Variants in ITPR2 observed in about 807,000 individuals in gnomAD.
ITPR2 encodes inositol 1,4,5-trisphosphate receptor type 2.
In ITPR2, 207 loss-of-function variants were observed where a neutral mutation model predicts 317.1. The ratio of observed to expected loss-of-function variants is 0.65; its 90% CI spans 0.58 to 0.73. The LOEUF is 0.73. ITPR2 is among the 30% of genes least tolerant of loss of function. ITPR2 has a pLI of 0.00. For synonymous variants in ITPR2, 1,156 were observed against 1,149.1 expected, an observed-to-expected ratio of 1.01 and a Z score of -0.12; for missense variants, 2,613 against 3,284.0, an observed-to-expected ratio of 0.80 and a Z score of 4.99.
intron 54 of ITPR2, among the ~76,000 whole-genome samples, chr12:26,390,839 A>C (rs1939811098): frequency 6.6e-6 from 1 of 152,232 alleles, no homozygotes; most frequent in African/African-American, 2.4e-5. Flanking sequence ...AAAAGAGAGA[A>C]AATGTTAAAG....
intron 56 of ITPR2, 115 bp from the exon 57 acceptor site, chr12:26,339,598 T>C (rs989808159): frequency 1.0e-5 from 7 of 684,028 alleles, no homozygotes; most frequent in Non-Finnish European, 1.8e-5. Context: ...CAGCATCATA[T>C]AGAATATATT....
intron 1 of ITPR2, among the ~76,000 whole-genome samples, chr12:26,796,007 G>A (rs373687173): frequency 2.1e-5 from 3 of 141,982 alleles, no homozygotes; most frequent in South Asian, 5.1e-4. Flanking sequence ...AAAGGGGGGG[G>A]GGGCAACACA....
At position 26,634,070 on chromosome 12, in the gene ITPR2, C is replaced by T. The variant is rs115177480; in HGVS notation, c.2741-2011G>A. 9.6e-3 allele frequency among the ~76,000 whole-genome samples: 1,468 copies of T among 152,348 alleles called. 32 individuals are homozygous for T. The highest frequency in any genetic ancestry group is 0.034 in the African/African-American group (1,407 of 41,574). On this transcript the variant is annotated intron_variant, in intron 21 of 56. Coordinates refer to ENST00000381340, the MANE Select transcript of ITPR2 (RefSeq NM_002223.4). The stretch of plus-strand genomic sequence containing the variant: ...ATGTCGTCAATGAAATGGGAGGGTT[C>T]ACTCAGTCATACCACATTCTCAGAT...
chr12:26,700,384 C>T (rs1011775805), intron 9 of ITPR2, among the ~76,000 whole-genome samples: 5 of 152,228 alleles, frequency 3.3e-5, no homozygotes, highest in African/African-American at 1.2e-4. Context: ...ACCAGTGTCA[C>T]TTACGAAATA....
At chr12:26,640,372 A>T (rs962434886) in intron 21 of ITPR2, among the ~76,000 whole-genome samples, 8 of 152,276 alleles carry the variant, frequency 5.3e-5, no homozygotes, top group Admixed American at 2.6e-4. Flanking sequence ...TTAAAAAAAA[A>T]TTTAATTAAA....
chr12:26,739,976 G>A (rs1347904007), intron 2 of ITPR2, among the ~76,000 whole-genome samples: 1 of 152,164 alleles, frequency 6.6e-6, no homozygotes. Context: ...TGTGGGAAGA[G>A]GAACACTGGG....
chr12:26,569,130 T>C (rs1260538753), intron 34 of ITPR2, among the ~76,000 whole-genome samples: 1 of 151,956 alleles, frequency 6.6e-6, no homozygotes, highest in Non-Finnish European at 1.5e-5. Flanking sequence ...AAATTCTCCA[T>C]GAGAATTCAA....
At chr12:26,515,440 T>G (rs560632316) in intron 37 of ITPR2, among the ~76,000 whole-genome samples, 1 of 152,178 alleles carries the variant, frequency 6.6e-6, no homozygotes, top group Non-Finnish European at 1.5e-5. Context: ...TGCTATTCCT[T>G]AAGGCCCACA....
At chr12:26,581,346 C>A (rs1450521221) in intron 32 of ITPR2, among the ~76,000 whole-genome samples, 1 of 152,208 alleles carries the variant, frequency 6.6e-6, no homozygotes, top group Admixed American at 6.5e-5. Context: ...ATCTAAGTCA[C>A]TTCCCATCTG....
At position 26,398,909 on chromosome 12, in the gene ITPR2, CTTTT is replaced by C; in HGVS notation, c.7659_7662del (p.Glu2555LysfsTer3). ...AAACAAGTTGTCTTTAGAATTTCTTCTTTTTTCTGTTTTTCGCTTCTGAGATCAG... is the reference window on the plus strand; with the variant it reads ...AAACAAGTTGTCTTTAGAATTTCTTCTTCTGTTTTTCGCTTCTGAGATCAG... On this transcript the variant is annotated frameshift_variant, in exon 54 of 57. Transcript: ENST00000381340. LOFTEE classifies it high-confidence loss of function. The C allele has an allele frequency of 6.2e-7, 1 of 1,610,816 alleles. No homozygotes were observed. The highest frequency in any genetic ancestry group is 1.3e-5 in the African/African-American group (1 of 74,786).
intron 32 of ITPR2, among the ~76,000 whole-genome samples, chr12:26,591,916 G>A (rs897667232): frequency 6.6e-6 from 1 of 151,874 alleles, no homozygotes; most frequent in Admixed American, 6.6e-5. Flanking sequence ...CCACAAGAAA[G>A]GAAATTGTAC....
At chr12:26,775,386 G>A (rs1473713403) in intron 2 of ITPR2, among the ~76,000 whole-genome samples, 2 of 152,048 alleles carry the variant, frequency 1.3e-5, no homozygotes, top group Admixed American at 6.5e-5. Context: ...AATGCAACAA[G>A]GTAAAAAGTA....
At position 26,339,332 on chromosome 12, in the gene ITPR2, A is replaced by G. The variant is rs1938024903; in HGVS notation, c.*65T>C. The G allele has an allele frequency of 7.3e-7, 1 of 1,373,422 alleles. No individual in the cohort carries two copies. Among genetic ancestry groups the G allele is most frequent in the African/African-American group, 1.4e-5 (1 of 70,150 alleles). The allele number at this position is 1,373,422 out of a possible 1,614,324, so 85.1% of individuals were successfully genotyped here. ...GGCACTGTTCACTCCCCTCCATCTC[A>G]GTTCTTTATTCAGTGATCAGGCAGG... On this transcript the variant is annotated 3_prime_UTR_variant, in exon 57 of 57. Coordinates refer to ENST00000381340, the MANE Select transcript of ITPR2 (RefSeq NM_002223.4).
chr12:26,823,683 A>G (rs1950970994), intron 1 of ITPR2, among the ~76,000 whole-genome samples: 1 of 152,198 alleles, frequency 6.6e-6, no homozygotes, highest in Admixed American at 6.5e-5. Flanking sequence ...TGTCTAAAGA[A>G]CCTGATATTT....
chr12:26,385,988 G>A (rs1939654654), intron 55 of ITPR2, among the ~76,000 whole-genome samples: 2 of 152,224 alleles, frequency 1.3e-5, no homozygotes, highest in Admixed American at 6.5e-5. Context: ...ACTCTTTAGT[G>A]TATAGTATAC....
Position 26,342,494 on chromosome 12 carries a change from CGGTGGGGGGGG to C in ITPR2, c.7858-2177_7858-2167del, listed in dbSNP as rs1169910856. Among the ~76,000 whole-genome samples, 10 of 29,008 alleles carry C rather than the reference CGGTGGGGGGGG, an allele frequency of 3.4e-4. 1 individual carries two copies. Among genetic ancestry groups the C allele is most frequent in the African/African-American group, 1.5e-3 (8 of 5,386 alleles). The allele number at this position is 29,008 out of a possible 152,430, so 19.0% of individuals were successfully genotyped here. Reference sequence around the variant, plus strand: ...CGAATGGGAGGTGTTTGGGTCACGGCGGTGGGGGGGGGGGGGGGGCGGGGGTCAGATCCCTC... The same window carrying C: ...CGAATGGGAGGTGTTTGGGTCACGGCGGGGGGGGCGGGGGTCAGATCCCTC... On this transcript the variant is annotated intron_variant, in intron 55 of 56. Transcript: ENST00000381340.
At position 26,487,240 on chromosome 12, in the gene ITPR2, G is replaced by A. The variant is rs565643676; in HGVS notation, c.5382C>T (p.Tyr1794=). 5 of 1,597,156 alleles carry A rather than the reference G, an allele frequency of 3.1e-6. No homozygotes were observed. In the African/African-American group the frequency reaches 5.4e-5, roughly 17 times the overall value. ...GGNTQTQYSF[Y]QQLHEQKKSE... ...ACTTTTTTTGTTCATGCAACTGCTG[G>A]TAGAAAGAATACTGCAAGAAAACAT... Residue 1794 remains tyrosine (Y), a synonymous_variant, in exon 40 of 57, where the codon TAC becomes TAT. Transcript: ENST00000381340.
At chr12:26,615,042 G>A (rs1391978231) in intron 26 of ITPR2, among the ~76,000 whole-genome samples, 2 of 152,166 alleles carry the variant, frequency 1.3e-5, no homozygotes, top group Admixed American at 1.3e-4. Flanking sequence ...GAAAGAGAGA[G>A]GAGAAGAGGG....
chr12:26,749,913 T>C (rs1949387119), intron 2 of ITPR2, among the ~76,000 whole-genome samples: 1 of 152,146 alleles, frequency 6.6e-6, no homozygotes, highest in African/African-American at 2.4e-5. Flanking sequence ...TCATATTTGC[T>C]GAGTGTCTAG....
Sources: gnomAD v4.1 joint callset for allele counts (sites outside exome capture counted in the v4.1 genomes callset) on GRCh38, gnomAD v4.1.1 for gene constraint, MANE v1.5 for transcripts, NCBI Gene and HGNC (gene_info 2026-07-23, HGNC 2026-07-21) for gene names.